The following RPE65 variants were observed in gnomAD, a reference collection of about 807,000 sequenced individuals.
RPE65 encodes retinoid isomerohydrolase.
RPE65 carries 58 observed loss-of-function variants against 68.5 expected under a neutral mutation model. That is an observed-to-expected ratio of 0.85 (90% CI 0.69 to 1.05). The LOEUF (loss-of-function observed/expected upper bound fraction) is 1.05, where lower values mean the gene tolerates loss of function less well. Ranked by LOEUF, RPE65 falls within the 50% of genes least tolerant of loss-of-function variation. The pLI is 0.00. For synonymous variants in RPE65, 220 were observed against 222.2 expected, an observed-to-expected ratio of 0.99 and a Z score of 0.09; for missense variants, 643 against 629.9, an observed-to-expected ratio of 1.02 and a Z score of -0.22.
intron 5 of RPE65, among the ~76,000 whole-genome samples, chr1:68,441,846 CTTAT>C (rs1177170331): frequency 6.6e-6 from 1 of 152,026 alleles, no homozygotes; most frequent in East Asian, 1.9e-4. Flanking sequence ...TTTTAGCAAC[CTTAT>C]TTAAATAATA....
intron 9 of RPE65, 138 bp downstream of exon 9, chr1:68,438,802 CTT>C: frequency 9.0e-7 from 1 of 1,107,094 alleles, no homozygotes; most frequent in Non-Finnish European, 1.4e-6. Context: ...CTTCCTACTG[CTT>C]TTCCAATTAC....
intron 7 of RPE65, 94 bp downstream of exon 7, chr1:68,439,467 A>T: frequency 6.4e-7 from 1 of 1,564,856 alleles, no homozygotes; most frequent in Non-Finnish European, 8.8e-7. Flanking sequence ...TTTTCTGCAA[A>T]AAAATATTGT....
chr1:68,436,216 G>A (rs1645861691), intron 10 of RPE65, among the ~76,000 whole-genome samples: 1 of 152,020 alleles, frequency 6.6e-6, no homozygotes, highest in African/African-American at 2.4e-5. Context: ...CATTTGGTGA[G>A]TATTTTGGGA....
At chr1:68,434,888 C>G (rs1262123030) in intron 10 of RPE65, among the ~76,000 whole-genome samples, 1 of 152,088 alleles carries the variant, frequency 6.6e-6, no homozygotes, top group East Asian at 1.9e-4. Flanking sequence ...CTCAGTCTTC[C>G]AAGTAACTGG....
intron 10 of RPE65, among the ~76,000 whole-genome samples, chr1:68,433,367 A>G (rs1645839679): frequency 6.6e-6 from 1 of 152,136 alleles, no homozygotes; most frequent in Non-Finnish European, 1.5e-5. Flanking sequence ...GATCTAGGAA[A>G]GATGGGGAGA....
At chr1:68,440,014 G>A (rs1296185668) in intron 6 of RPE65, among the ~76,000 whole-genome samples, 1 of 152,118 alleles carries the variant, frequency 6.6e-6, no homozygotes, top group Non-Finnish European at 1.5e-5. Flanking sequence ...AGTTTAGATG[G>A]GTTTGTGTCA....
intron 5 of RPE65, 74 bp from the exon 6 acceptor site, chr1:68,441,074 T>C: frequency 6.5e-7 from 1 of 1,537,714 alleles, no homozygotes. Context: ...AGGTCTGAGG[T>C]CATCACTACC....
chr1:68,430,630 C>A (rs1645819208), intron 13 of RPE65, among the ~76,000 whole-genome samples: 1 of 152,132 alleles, frequency 6.6e-6, no homozygotes, highest in Non-Finnish European at 1.5e-5. Flanking sequence ...TTTTTTCAAG[C>A]CCTAGCTTAC....
At chr1:68,444,426 CTCA>C in intron 5 of RPE65, 102 bp downstream of exon 5, 1 of 1,426,106 alleles carries the variant, frequency 7.0e-7, no homozygotes, top group Non-Finnish European at 9.9e-7. Flanking sequence ...TCTGTGTGTC[CTCA>C]TCAAGTTAGA....
rs188244770 is a variant in RPE65, at chr1:68,440,948, A to G, written c.548T>C (p.Ile183Thr). 12 of 1,613,916 alleles carry G rather than the reference A, an allele frequency of 7.4e-6. No individual in the cohort carries two copies. Among genetic ancestry groups the G allele is most frequent in the Admixed American group, 6.7e-5 (4 of 59,974 alleles). ...SVNGATAHPHIENDGTVYNIG... is the reference protein window; with the variant it reads ...SVNGATAHPHTENDGTVYNIG... Reference sequence around the variant, plus strand: ...ATTGTAAACGGTTCCATCATTTTCAATGTGGGGGTGAGCAGTGGCCCCATT... The same window carrying G: ...ATTGTAAACGGTTCCATCATTTTCAGTGTGGGGGTGAGCAGTGGCCCCATT... Residue 183 changes from isoleucine to threonine, a missense_variant, in exon 6 of 14, where the codon ATT (isoleucine) becomes ACT (threonine). Transcript: ENST00000262340.
At position 68,444,892 on chromosome 1, in the gene RPE65, C is replaced by A; in HGVS notation, c.246-9G>T. On this transcript the variant is annotated splice_polypyrimidine_tract_variant and intron_variant, in intron 3 of 13. Transcript: ENST00000262340. The stretch of plus-strand genomic sequence containing the variant: ...CATCAGTGCGGATGAACCTGAAGGA[C>A]ATTGAAACATAGGGAAGAGTATAGA... 1 of 1,612,856 alleles carries A rather than the reference C, an allele frequency of 6.2e-7. No homozygotes were observed. Among genetic ancestry groups the A allele is most frequent in the Non-Finnish European group, 8.5e-7 (1 of 1,178,976 alleles).
Position 68,429,837 on chromosome 1 carries a change from G to A in RPE65, c.1541C>T (p.Ala514Val). 1 of 1,613,792 alleles carries A rather than the reference G, an allele frequency of 6.2e-7. No individual in the cohort carries two copies. Among genetic ancestry groups the A allele is most frequent in the East Asian group, 2.2e-5 (1 of 44,876 alleles). Residue 514 changes from alanine (A) to valine (V), a missense_variant, in exon 14 of 14, where the codon GCC (alanine) becomes GTC (valine). Physicochemically the swap from Ala to Val is moderately conservative, Grantham distance 64. Transcript: ENST00000262340. ...GATGTTAATCTCCACTTCAGCCCGGGCAACTTCACTTAAGTCCTTGGCATT... is the reference window on the plus strand; with the variant it reads ...GATGTTAATCTCCACTTCAGCCCGGACAACTTCACTTAAGTCCTTGGCATT... ...ILNAKDLSEV[A>V]RAEVEINIPV...
intron 5 of RPE65, 131 bp downstream of exon 5, chr1:68,444,400 A>G: frequency 8.4e-7 from 1 of 1,184,814 alleles, no homozygotes; most frequent in Non-Finnish European, 1.2e-6. Context: ...GTCCATTTGG[A>G]GCTTGGAATG....
intron 10 of RPE65, among the ~76,000 whole-genome samples, chr1:68,432,349 A>G (rs1224922693): frequency 2.0e-5 from 3 of 152,118 alleles, no homozygotes; most frequent in Admixed American, 6.6e-5. Context: ...AATGTGGGGG[A>G]AAAATAGAAT....
chr1:68,432,031 TG>T (rs1217719482), intron 10 of RPE65, among the ~76,000 whole-genome samples: 4 of 149,608 alleles, frequency 2.7e-5, no homozygotes, highest in Admixed American at 1.3e-4. Context: ...TGATTTTGCT[TG>T]AAAAAAAAAA....
rs749464766 is a variant in RPE65 at position 68,438,187 on chromosome 1, C to T, written c.1128G>A (p.Lys376=). 6.2e-7 allele frequency: 1 copy of T among 1,613,768 alleles called. No homozygotes were observed. Among genetic ancestry groups the T allele is most frequent in the South Asian group, 1.1e-5 (1 of 91,062 alleles). The change falls in exon 10 of 14, where the codon AAG becomes AAA. Residue 376 remains lysine, a splice_region_variant and synonymous_variant. Coordinates refer to ENST00000262340, the MANE Select transcript of RPE65 (RefSeq NM_000329.3). ...RRYVLPLNID[K]ADTGKNLVTL... is the part of the protein sequence containing the mutation. ...TGAAATCTACAGAGAAGCAGGTTAC[C>T]TTGTCAATATTCAAAGGAAGTACAT...
At chr1:68,439,716 C>G in intron 6 of RPE65, 74 bp from the exon 7 acceptor site, 1 of 1,108,198 alleles carries the variant, frequency 9.0e-7, no homozygotes, top group Non-Finnish European at 1.4e-6. Context: ...TTTAGAACAG[C>G]TTATACAGGC....
chr1:68,434,100 A>G (rs1034574363), intron 10 of RPE65, among the ~76,000 whole-genome samples: 6 of 134,514 alleles, frequency 4.5e-5, no homozygotes, highest in African/African-American at 1.7e-4. Context: ...GGATATATAT[A>G]TATATATATA....
rs745631048 is a variant in RPE65 at position 68,429,910 on chromosome 1, C to T, written c.1468G>A (p.Val490Met). 6.2e-7 allele frequency: 1 copy of T among 1,613,622 alleles called. No homozygotes were observed. The highest frequency in any genetic ancestry group is 1.1e-5 in the South Asian group (1 of 91,070). Residue 490 changes from valine to methionine, a missense_variant, in exon 14 of 14, where the codon GTG becomes ATG. Transcript: ENST00000262340. ...EEDDGVVLSV[V>M]VSPGAGQKPA... Reference sequence around the variant, plus strand: ...TTTTGTCCTGCTCCTGGGCTCACCACCACACTCAGAACTACACCTGTTTAT... The same window carrying T: ...TTTTGTCCTGCTCCTGGGCTCACCATCACACTCAGAACTACACCTGTTTAT...
Sources: allele counts gnomAD v4.1 joint callset (sites outside exome capture counted in the v4.1 genomes callset), GRCh38; gene constraint gnomAD v4.1.1; transcripts MANE v1.5; gene names NCBI Gene and HGNC (gene_info 2026-07-23, HGNC 2026-07-21).